The following F5 variants were observed in gnomAD, a reference collection of about 807,000 sequenced individuals.
F5 encodes coagulation factor V.
A neutral mutation model predicts 216.4 loss-of-function variants in F5; 138 were observed. The ratio of observed to expected loss-of-function variants is 0.64; its 90% CI spans 0.56 to 0.73. The LOEUF (loss-of-function observed/expected upper bound fraction) is 0.73, where lower values mean the gene tolerates loss of function less well. F5 is among the 30% of genes least tolerant of loss of function. The pLI is 0.00. For missense variants in F5, 2,403 were observed against 2,674.0 expected (o/e 0.90, Z 2.24); for synonymous variants, 916 against 930.7 (o/e 0.98, Z 0.29).
intron 3 of F5, among the ~76,000 whole-genome samples, chr1:169,567,742 C>T (rs528319362): frequency 6.6e-6 from 1 of 152,216 alleles, no homozygotes; most frequent in Non-Finnish European, 1.5e-5. Flanking sequence ...AGGCTCTGTG[C>T]TAAATGCCAG....
rs1460328378 is a variant in F5 at position 169,559,182 on chromosome 1, A to T, written c.701T>A (p.Val234Asp). 1 of 1,613,672 alleles carries T rather than the reference A, an allele frequency of 6.2e-7. No homozygotes were observed. The highest frequency in any genetic ancestry group is 8.5e-7 in the Non-Finnish European group (1 of 1,179,770). Residue 234 changes from valine to aspartate, a missense_variant, in exon 5 of 25, where the codon GTC becomes GAC. Coordinates refer to ENST00000367797, the MANE Select transcript of F5 (RefSeq NM_000130.5). ...CATTGTCCCATTCACATATCCATTG[A>T]CTGTGTACATTAGGGATGATGACTG... ...WSQSSSLMYT[V>D]NGYVNGTMPD... is the part of the protein sequence containing the mutation.
At chr1:169,581,182 G>A (rs1660978153) in intron 2 of F5, among the ~76,000 whole-genome samples, 1 of 152,082 alleles carries the variant, frequency 6.6e-6, no homozygotes, top group East Asian at 1.9e-4. Context: ...AGTGGCACTA[G>A]AAAAAACAGG....
Position 169,542,778 on chromosome 1 carries a change from A to C in F5, c.2312T>G (p.Ile771Arg), listed in dbSNP as rs1363064647. Residue 771 changes from isoleucine to arginine, a missense_variant, in exon 13 of 25, where the codon ATA (isoleucine) becomes AGA (arginine). Ile to Arg is a moderately conservative substitution (Grantham distance 97). This residue lies in a region of F5 where 1,425 missense variants were observed against 1,554.8 expected (regional missense o/e 0.92). Coordinates refer to ENST00000367797, the MANE Select transcript of F5 (RefSeq NM_000130.5). ...GGAAGAATAATTTGAACCAACAATT[A>C]TATCTGTGTTTGAAGAAACGAATTC... is the stretch of plus-strand genomic sequence containing the variant. The part of the protein sequence containing the change: ...GTEFVSSNTD[I>R]IVGSNYSSPS... The C allele has an allele frequency of 6.2e-7, 1 of 1,614,012 alleles. No homozygotes were observed. The highest frequency in any genetic ancestry group is 1.1e-5 in the South Asian group (1 of 91,080).
chr1:169,535,525 A>G (rs1571569305), intron 14 of F5, among the ~76,000 whole-genome samples: 1 of 152,250 alleles, frequency 6.6e-6, no homozygotes, highest in African/African-American at 2.4e-5. Flanking sequence ...GTAGCTTTTC[A>G]TCCATCCCCC....
chr1:169,540,771 GGAGA>G lies in F5; in HGVS notation c.4315_4318del (p.Ser1439GlnfsTer73). On this transcript the variant is annotated frameshift_variant, in exon 13 of 25. Transcript: ENST00000367797. LOFTEE classifies it high-confidence loss of function. The stretch of plus-strand genomic sequence containing the variant: ...GAGAAGGGTGGTGTCACTGATGTCT[GGAGA>G]GAGAGTCACCTGGCTGAGGTCTGGG... 1 of 1,614,008 alleles carries G rather than the reference GGAGA, an allele frequency of 6.2e-7. No homozygotes were observed. Among genetic ancestry groups the G allele is most frequent in the East Asian group, 2.2e-5 (1 of 44,862 alleles).
At chr1:169,527,787 T>C (rs149828444) in intron 17 of F5, 128 bp downstream of exon 17, 1 of 1,229,932 alleles carries the variant, frequency 8.1e-7, no homozygotes. Context: ...TTGCCTAGGC[T>C]CTATGCCAGA....
Position 169,540,724 on chromosome 1 carries a change from G to T in F5, c.4366C>A (p.Pro1456Thr). 1.2e-6 allele frequency: 2 copies of T among 1,614,092 alleles called. No individual in the cohort carries two copies. Among genetic ancestry groups the T allele is most frequent in the Non-Finnish European group, 1.7e-6 (2 of 1,179,990 alleles). Reference protein sequence around the residue: ...TLLPDLSQISPPPDLDQIFYP... With the variant: ...TLLPDLSQISTPPDLDQIFYP... ...AATATCTGATCAAGGTCTGGAGGAG[G>T]TGATATCTGGCTGAGATCCGGGAGA... Residue 1456 changes from proline to threonine, a missense_variant, in exon 13 of 25, where the codon CCT becomes ACT. This residue lies in a region of F5 where 293 missense variants were observed against 270.8 expected (regional missense o/e 1.08). Coordinates refer to ENST00000367797, the MANE Select transcript of F5 (RefSeq NM_000130.5).
At position 169,543,077 on chromosome 1, in the gene F5, T is replaced by C; in HGVS notation, c.2013A>G (p.Arg671=). Residue 671 remains arginine (R), a synonymous_variant, in exon 13 of 25, where the codon AGA becomes AGG. Coordinates refer to ENST00000367797, the MANE Select transcript of F5 (RefSeq NM_000130.5). The part of the protein sequence containing the change: ...WMLTSMNSSP[R]SKKLRLKFRD... ...TGAATTTCAGCCTCAGCTTTTTGCT[T>C]CTTGGACTAGAATTCATGGAAGTTA... 3 of 1,613,946 alleles carry C rather than the reference T, an allele frequency of 1.9e-6. No homozygotes were observed. The highest frequency in any genetic ancestry group is 2.5e-6 in the Non-Finnish European group (3 of 1,179,932).
chr1:169,528,578 T>C (rs982124768), intron 16 of F5, among the ~76,000 whole-genome samples: 3 of 152,144 alleles, frequency 2.0e-5, no homozygotes, highest in African/African-American at 7.2e-5. Flanking sequence ...ATTAGGAGTT[T>C]ATCGTTGGTG....
chr1:169,561,019 A>T (rs1017563930), intron 3 of F5, among the ~76,000 whole-genome samples: 7 of 152,206 alleles, frequency 4.6e-5, no homozygotes, highest in African/African-American at 1.7e-4. Context: ...TTAATTTTCC[A>T]GGGTACCTGA....
At chr1:169,562,639 G>A (rs1660508696) in intron 3 of F5, among the ~76,000 whole-genome samples, 1 of 151,710 alleles carries the variant, frequency 6.6e-6, no homozygotes, top group Non-Finnish European at 1.5e-5. Context: ...TCTTAGTGGT[G>A]CCCTTCCGTT....
rs1659585921 is a variant in F5, at chr1:169,531,042, A to G, written c.4972-20T>C. The G allele has an allele frequency of 6.4e-7, 1 of 1,572,722 alleles. No homozygotes were observed. The highest frequency in any genetic ancestry group is 1.1e-5 in the South Asian group (1 of 90,378). On this transcript the variant is annotated intron_variant, in intron 14 of 24. Transcript: ENST00000367797. Reference sequence around the variant, plus strand: ...ACGAACCTAGGAAAAGGAATGATCCACAAATGTACTTAAGCTTAACAAAAA... The same window carrying G: ...ACGAACCTAGGAAAAGGAATGATCCGCAAATGTACTTAAGCTTAACAAAAA...
At position 169,520,678 on chromosome 1, in the gene F5, G is replaced by A. The variant is rs1557905420; in HGVS notation, c.6049-14C>T. 1.2e-6 allele frequency: 2 copies of A among 1,610,028 alleles called. No individual in the cohort carries two copies. The highest frequency in any genetic ancestry group is 2.2e-5 in the East Asian group (1 of 44,740). On this transcript the variant is annotated splice_polypyrimidine_tract_variant and intron_variant, in intron 21 of 24. Coordinates refer to ENST00000367797, the MANE Select transcript of F5 (RefSeq NM_000130.5). ...GCCATTAAAATACTAGAAGAAAAGA[G>A]GAAAGTTTAGTTATGTAACAATGAT...
chr1:169,569,894 C>CA (rs1660687151), intron 3 of F5, among the ~76,000 whole-genome samples: 1 of 151,892 alleles, frequency 6.6e-6, no homozygotes, highest in African/African-American at 2.4e-5. Flanking sequence ...TCCCCACTCC[C>CA]AAAAAAATAG....
intron 11 of F5, among the ~76,000 whole-genome samples, chr1:169,545,774 A>T (rs1044393208): frequency 1.3e-5 from 2 of 152,092 alleles, no homozygotes; most frequent in Non-Finnish European, 2.9e-5. Flanking sequence ...GATTACCATG[A>T]CTCTAGACTC....
intron 2 of F5, among the ~76,000 whole-genome samples, chr1:169,578,700 G>A (rs564818738): frequency 1.3e-5 from 2 of 152,054 alleles, no homozygotes; most frequent in African/African-American, 4.8e-5. Flanking sequence ...CTTGGAGCTG[G>A]AGCTATGAAA....
chr1:169,573,751 C>A (rs1660781248), intron 2 of F5, among the ~76,000 whole-genome samples: 2 of 152,168 alleles, frequency 1.3e-5, no homozygotes, highest in Admixed American at 1.3e-4. Flanking sequence ...AAGGAACTCA[C>A]AAGCTAGTTT....
chr1:169,584,087 T>C (rs941338940), intron 1 of F5, among the ~76,000 whole-genome samples: 1 of 152,200 alleles, frequency 6.6e-6, no homozygotes, highest in Non-Finnish European at 1.5e-5. Flanking sequence ...AAAGTTATTG[T>C]CCTCCCCTGC....
intron 14 of F5, among the ~76,000 whole-genome samples, chr1:169,533,529 ATAGT>A (rs749157896): frequency 6.6e-6 from 1 of 152,196 alleles, no homozygotes; most frequent in Non-Finnish European, 1.5e-5. Context: ...AAACTATAAG[ATAGT>A]TAAACAATTG....
Sources: allele counts gnomAD v4.1 joint callset (sites outside exome capture counted in the v4.1 genomes callset), GRCh38; gene constraint gnomAD v4.1.1; regional missense constraint gnomAD v4.1.1; transcripts MANE v1.5; gene names NCBI Gene and HGNC (gene_info 2026-07-23, HGNC 2026-07-21).